The following TC2N variants were observed in gnomAD, a reference collection of about 807,000 sequenced individuals.
The protein encoded by TC2N is tandem C2 domains nuclear protein.
A neutral mutation model predicts 61.9 loss-of-function variants in TC2N; 51 were observed. The ratio of observed to expected loss-of-function variants is 0.82; its 90% CI spans 0.66 to 1.04. The LOEUF is 1.04. Ranked by LOEUF, TC2N falls within the 50% of genes least tolerant of loss-of-function variation. The pLI is 0.00. For synonymous variants in TC2N, 204 were observed against 192.6 expected (o/e 1.06, Z -0.49); for missense variants, 556 against 566.7 (o/e 0.98, Z 0.19).
chr14:91,844,654 G>A (rs1381173650), intron 1 of TC2N, among the ~76,000 whole-genome samples: 2 of 151,538 alleles, frequency 1.3e-5, no homozygotes, highest in Non-Finnish European at 2.9e-5. Flanking sequence ...TCAGCTACTC[G>A]GGAGGGTGAG....
At chr14:91,801,798 T>A (rs1886263028) in intron 4 of TC2N, among the ~76,000 whole-genome samples, 1 of 152,254 alleles carries the variant, frequency 6.6e-6, no homozygotes, top group Non-Finnish European at 1.5e-5. Context: ...GTATTTATCA[T>A]GAACAACATA....
Position 91,797,808 on chromosome 14 carries a change from A to T in TC2N, c.832T>A (p.Ser278Thr). The change falls in exon 8 of 12, where the codon TCT (serine) becomes ACT (threonine). Residue 278 changes from serine to threonine, a missense_variant. Ser to Thr is a moderately conservative substitution (Grantham distance 58). Transcript: ENST00000435962. ...LTLPKPVHFK[S>T]SAKEGSNAIE... ...ACGTTGGAACCTTCCTTGGCTGAAG[A>T]TTTGAAATGCACTGGTTTGGGCAAT... 1 of 1,605,986 alleles carries T rather than the reference A, an allele frequency of 6.2e-7. No individual in the cohort carries two copies. The highest frequency in any genetic ancestry group is 8.5e-7 in the Non-Finnish European group (1 of 1,175,942).
chr14:91,837,126 G>A lies in TC2N; in HGVS notation c.-56-23301C>T, dbSNP rs1340812426. Among the ~76,000 whole-genome samples, 1 of 152,196 alleles carries A rather than the reference G, an allele frequency of 6.6e-6. No homozygotes were observed. The highest frequency in any genetic ancestry group is 2.4e-5 in the African/African-American group (1 of 41,450). Reference sequence around the variant, plus strand: ...TCCCCTCTAACCCTGGTAAAGCGGGGGGCCTGGCCCTTTTCTCTGGGCTTC... The same window carrying A: ...TCCCCTCTAACCCTGGTAAAGCGGGAGGCCTGGCCCTTTTCTCTGGGCTTC... On this transcript the variant is annotated intron_variant, in intron 1 of 11. Coordinates refer to ENST00000435962, the MANE Select transcript of TC2N (RefSeq NM_001128596.3). This position sits in a 1 kb window ranked among gnomAD's most constrained non-coding sequence, Gnocchi z 4.2.
At position 91,812,317 on chromosome 14, in the gene TC2N, A is replaced by G. The variant is rs779651939; in HGVS notation, c.296T>C (p.Leu99Pro). Residue 99 changes from leucine to proline, a missense_variant, in exon 3 of 12, where the codon CTT (leucine) becomes CCT (proline). Physicochemically the swap from Leu to Pro is moderately conservative, Grantham distance 98. Coordinates refer to ENST00000435962, the MANE Select transcript of TC2N (RefSeq NM_001128596.3). ...TQETPSHLEE[L>P]EGSARASFGD... ...ACTGCTATTTTATTGTTTACCTTCA[A>G]GTTCTTCCAGATGTGAAGGAGTTTC... 6.3e-7 allele frequency: 1 copy of G among 1,577,932 alleles called. No individual in the cohort carries two copies. Among genetic ancestry groups the G allele is most frequent in the Admixed American group, 1.7e-5 (1 of 59,150 alleles).
At chr14:91,858,393 T>C (rs938717088) in intron 1 of TC2N, among the ~76,000 whole-genome samples, 2 of 152,084 alleles carry the variant, frequency 1.3e-5, no homozygotes, top group African/African-American at 4.8e-5. Flanking sequence ...AGAGGCCAGA[T>C]GACTTGCCCT....
intron 1 of TC2N, among the ~76,000 whole-genome samples, chr14:91,835,813 A>G (rs57083153): frequency 0.026 from 3,976 of 152,284 alleles, 183 homozygotes; most frequent in African/African-American, 0.091. Flanking sequence ...CCGCCAGGGA[A>G]AGGAAATTCG....
intron 1 of TC2N, among the ~76,000 whole-genome samples, chr14:91,826,211 AC>A (rs1351153387): frequency 6.6e-6 from 1 of 151,674 alleles, no homozygotes; most frequent in African/African-American, 2.4e-5. Flanking sequence ...TTCCAGTTAC[AC>A]GGGAAGCTGA....
intron 1 of TC2N, among the ~76,000 whole-genome samples, chr14:91,844,071 T>C (rs1231693489): frequency 6.6e-6 from 1 of 152,058 alleles, no homozygotes; most frequent in Non-Finnish European, 1.5e-5. Flanking sequence ...AATGCAAATA[T>C]ATTTCCAGCA....
intron 1 of TC2N, among the ~76,000 whole-genome samples, chr14:91,857,956 G>A (rs1374403549): frequency 6.7e-6 from 1 of 149,780 alleles, no homozygotes; most frequent in Admixed American, 6.7e-5. Flanking sequence ...GGTTTTTGTT[G>A]TTGTTGTTCT....
At chr14:91,803,703 G>A (rs567650452) in intron 3 of TC2N, among the ~76,000 whole-genome samples, 4 of 152,166 alleles carry the variant, frequency 2.6e-5, no homozygotes, top group East Asian at 3.9e-4. Context: ...GTGATCCACC[G>A]CCTCAGCCTC....
intron 1 of TC2N, among the ~76,000 whole-genome samples, chr14:91,856,591 C>T (rs867045807): frequency 8.5e-5 from 13 of 152,054 alleles, no homozygotes; most frequent in Non-Finnish European, 1.5e-4. Context: ...CAATTTCCTC[C>T]GCTGTCCCCA....
intron 1 of TC2N, among the ~76,000 whole-genome samples, chr14:91,848,217 G>A (rs191597962): frequency 6.6e-6 from 1 of 152,290 alleles, no homozygotes; most frequent in East Asian, 1.9e-4. Flanking sequence ...CTGCTTATGG[G>A]ATAGAATGGA....
intron 9 of TC2N, among the ~76,000 whole-genome samples, chr14:91,788,004 C>T (rs530490718): frequency 1.3e-3 from 192 of 151,946 alleles, no homozygotes; most frequent in Non-Finnish European, 1.8e-3. Context: ...AGAGAACACA[C>T]GAAATATGAT....
intron 8 of TC2N, among the ~76,000 whole-genome samples, chr14:91,793,470 C>T (rs931087042): frequency 7.2e-5 from 11 of 152,192 alleles, no homozygotes; most frequent in African/African-American, 2.4e-4. Context: ...AGGTTCGTGG[C>T]AACACTGTGT....
At chr14:91,815,009 TAA>T (rs1180661305) in intron 1 of TC2N, among the ~76,000 whole-genome samples, 1 of 150,690 alleles carries the variant, frequency 6.6e-6, no homozygotes, top group Non-Finnish European at 1.5e-5. Context: ...TAAAAAAAAG[TAA>T]AGAGTGGTAA....
At chr14:91,834,718 C>T (rs1402005431) in intron 1 of TC2N, among the ~76,000 whole-genome samples, 1 of 152,172 alleles carries the variant, frequency 6.6e-6, no homozygotes, top group Non-Finnish European at 1.5e-5. Context: ...ATAGACTTCT[C>T]TCCTTGTTAA....
At position 91,779,859 on chromosome 14, in the gene TC2N, A is replaced by T. The variant is rs1203875799; in HGVS notation, c.*3241T>A. ...AAGTTAAAAAAAACTCCACTAGGAG[A>T]TTACTAAAACTGTAGGCCACATTCA... On this transcript the variant is annotated 3_prime_UTR_variant, in exon 12 of 12. Coordinates refer to ENST00000435962, the MANE Select transcript of TC2N (RefSeq NM_001128596.3). 1 of 152,164 alleles carries T rather than the reference A, an allele frequency of 6.6e-6. No individual in the cohort carries two copies. The highest frequency in any genetic ancestry group is 1.5e-5 in the Non-Finnish European group (1 of 68,044). The allele number at this position is 152,164 out of a possible 1,614,324, so 9.4% of individuals were successfully genotyped here.
chr14:91,823,976 G>A (rs1236929136), intron 1 of TC2N, among the ~76,000 whole-genome samples: 1 of 152,086 alleles, frequency 6.6e-6, no homozygotes, highest in Admixed American at 6.5e-5. Context: ...TAAAACTAGT[G>A]GTAGGGCTGT....
intron 1 of TC2N, among the ~76,000 whole-genome samples, chr14:91,846,271 C>G (rs996517958): frequency 3.9e-5 from 6 of 152,102 alleles, no homozygotes; most frequent in African/African-American, 1.4e-4. Context: ...TCTGCAATGG[C>G]CTTATCAGAG....
Sources: gnomAD v4.1 joint callset for allele counts (sites outside exome capture counted in the v4.1 genomes callset) on GRCh38, gnomAD v4.1.1 for gene constraint, Gnocchi (gnomAD v3.1) non-coding constraint, MANE v1.5 for transcripts, NCBI Gene and HGNC (gene_info 2026-07-23, HGNC 2026-07-21) for gene names.